The following PRMT8 variants were observed in gnomAD, a reference collection of about 807,000 sequenced individuals.
PRMT8 encodes protein arginine methyltransferase 8, also known as protein arginine N-methyltransferase 8.
Under a neutral mutation model 47.1 loss-of-function variants are expected in PRMT8, and 7 were observed. The ratio of observed to expected loss-of-function variants is 0.15; its 90% CI spans 0.08 to 0.28. The LOEUF (loss-of-function observed/expected upper bound fraction) is 0.28, where lower values mean the gene tolerates loss of function less well. PRMT8 is among the 10% of genes least tolerant of loss of function. The pLI is 1.00. For synonymous variants in PRMT8, 188 were observed against 186.5 expected, an observed-to-expected ratio of 1.01 and a Z score of -0.07; for missense variants, 237 against 505.4, an observed-to-expected ratio of 0.47 and a Z score of 5.09.
chr12:3,593,477 G>A lies in PRMT8; in HGVS notation c.*295G>A, dbSNP rs958993734. On this transcript the variant is annotated 3_prime_UTR_variant, in exon 10 of 10. Transcript: ENST00000382622. This position sits in a 1 kb window ranked among gnomAD's most constrained non-coding sequence, Gnocchi z 4.8. ...GGTGGAAACGTATTCGCGTCTCCCC[G>A]TCTCCTCCTTAACTGTGACTCTCCG... The A allele has an allele frequency of 1.0e-5, 4 of 397,414 alleles. No homozygotes were observed. The highest frequency in any genetic ancestry group is 1.2e-4 in the East Asian group (2 of 16,678). The allele number at this position is 397,414 out of a possible 1,614,324, so 24.6% of individuals were successfully genotyped here. A position where few individuals can be genotyped will look rare whatever the true frequency, so the allele number is the denominator to read the frequency against.
intron 1 of PRMT8, among the ~76,000 whole-genome samples, chr12:3,521,256 G>C (rs879836185): frequency 1.3e-5 from 2 of 152,156 alleles, no homozygotes; most frequent in Non-Finnish European, 2.9e-5. Context: ...GGGTCGCCCA[G>C]GCCATGTGTG....
intron 8 of PRMT8, among the ~76,000 whole-genome samples, 196 bp from the exon 9 acceptor site, chr12:3,592,035 T>A (rs2137240413): frequency 6.6e-6 from 1 of 152,168 alleles, no homozygotes; most frequent in Middle Eastern, 3.4e-3. Context: ...CCACTGGGAC[T>A]GAGAGGGAGT....
intron 1 of PRMT8, among the ~76,000 whole-genome samples, chr12:3,382,946 C>A (rs1591534168): frequency 6.6e-6 from 1 of 152,144 alleles, no homozygotes; most frequent in East Asian, 1.9e-4. Context: ...TGCTCCAGTA[C>A]CATTTGATGA....
At position 3,576,850 on chromosome 12, in the gene PRMT8, C is replaced by T. The variant is rs7309313; in HGVS notation, c.713-21C>T. On this transcript the variant is annotated intron_variant, in intron 6 of 9. Transcript: ENST00000382622. This position sits in a 1 kb window ranked among gnomAD's most constrained non-coding sequence, Gnocchi z 4.0. ...TCTGGGGGTCCTGCGCCTGCCTTCA[C>T]GTCTTGCTCTGCTCCCACAGGGTGG... The T allele has an allele frequency of 4.6e-3, 7,324 of 1,604,092 alleles. 27 individuals are homozygous for T. Among genetic ancestry groups the T allele is most frequent in the Non-Finnish European group, 5.1e-3 (5,971 of 1,171,320 alleles).
At chr12:3,553,813 G>A (rs1866471603) in intron 4 of PRMT8, 99 bp downstream of exon 4, 27 of 1,155,310 alleles carry the variant, frequency 2.3e-5, no homozygotes, top group Non-Finnish European at 3.5e-5. Context: ...AGAGCACTTG[G>A]ACTTGGGGAG....
chr12:3,404,736 T>C (rs755906722), intron 1 of PRMT8, among the ~76,000 whole-genome samples: 24 of 152,228 alleles, frequency 1.6e-4, no homozygotes, highest in Non-Finnish European at 2.9e-4. Context: ...TTGAGAGAGA[T>C]GTATTAAACT....
Position 3,436,738 on chromosome 12 carries a change from C to T in PRMT8, c.48+55296C>T, listed in dbSNP as rs1404411916. On this transcript the variant is annotated intron_variant, in intron 1 of 9. Transcript: ENST00000452611. The surrounding 1 kb of genome is among the most constrained non-coding windows in gnomAD (Gnocchi z 4.2). ...TTAAACATCAAGGTGAAGTTATTTC[C>T]AGCGGATCGATTGCAGCATCTCCCC... 6.6e-6 allele frequency among the ~76,000 whole-genome samples: 1 copy of T among 152,192 alleles called. No individual in the cohort carries two copies. The highest frequency in any genetic ancestry group is 2.4e-5 in the African/African-American group (1 of 41,448).
At chr12:3,406,695 T>A in intron 1 of PRMT8, among the ~76,000 whole-genome samples, 1 of 152,216 alleles carries the variant, frequency 6.6e-6, no homozygotes, top group East Asian at 1.9e-4. Context: ...AGCCTGGACT[T>A]CATTGTCTAT....
chr12:3,553,743 T>A (rs745892967), intron 4 of PRMT8, 29 bp downstream of exon 4: 4 of 1,538,356 alleles, frequency 2.6e-6, no homozygotes, highest in Non-Finnish European at 3.6e-6. Flanking sequence ...TGTTTTCTCC[T>A]GGATGGAGGG....
At chr12:3,579,511 C>T (rs747086883) in intron 7 of PRMT8, among the ~76,000 whole-genome samples, 4 of 152,114 alleles carry the variant, frequency 2.6e-5, no homozygotes, top group Non-Finnish European at 5.9e-5. Context: ...GGCTCTGGTT[C>T]TGTCTCAGGA....
At chr12:3,541,341 A>G (rs1308554748) in intron 2 of PRMT8, among the ~76,000 whole-genome samples, 2 of 152,334 alleles carry the variant, frequency 1.3e-5, no homozygotes, top group Admixed American at 1.3e-4. Flanking sequence ...GGGAAGACTA[A>G]TGTTGACTAT....
chr12:3,505,633 T>A (rs1865612019), intron 1 of PRMT8, among the ~76,000 whole-genome samples: 1 of 152,240 alleles, frequency 6.6e-6, no homozygotes, highest in Admixed American at 6.5e-5. Flanking sequence ...TGTTTTGCAA[T>A]TAAGGAAACT....
At chr12:3,525,883 A>C (rs1283016147) in intron 1 of PRMT8, among the ~76,000 whole-genome samples, 2 of 152,138 alleles carry the variant, frequency 1.3e-5, no homozygotes, top group African/African-American at 2.4e-5. Flanking sequence ...CATAACATAA[A>C]ATTTACCATC....
At chr12:3,387,553 A>G (rs1414054517) in intron 1 of PRMT8, among the ~76,000 whole-genome samples, 1 of 152,248 alleles carries the variant, frequency 6.6e-6, no homozygotes, top group African/African-American at 2.4e-5. Context: ...TGGGCATAAA[A>G]TAAACATGTT....
chr12:3,482,779 A>T (rs1865286761), intron 1 of PRMT8, among the ~76,000 whole-genome samples: 1 of 151,900 alleles, frequency 6.6e-6, no homozygotes, highest in African/African-American at 2.4e-5. Context: ...ACATGTCATC[A>T]CTCCCATTTA....
chr12:3,444,946 C>G (rs1286312742), intron 1 of PRMT8, among the ~76,000 whole-genome samples: 3 of 152,208 alleles, frequency 2.0e-5, no homozygotes, highest in African/African-American at 7.2e-5. Flanking sequence ...AGCTCGACCA[C>G]CTGTGATCCC....
At chr12:3,413,544 G>C (rs959849631) in intron 1 of PRMT8, among the ~76,000 whole-genome samples, 4 of 152,056 alleles carry the variant, frequency 2.6e-5, no homozygotes, top group African/African-American at 9.7e-5. Flanking sequence ...GTCTTCAGGG[G>C]CAATAACAGG....
At chr12:3,534,393 G>A (rs1866084028) in intron 1 of PRMT8, among the ~76,000 whole-genome samples, 1 of 152,222 alleles carries the variant, frequency 6.6e-6, no homozygotes, top group Non-Finnish European at 1.5e-5. Context: ...CCCCTCTGCA[G>A]GCTGCCTTCC....
In PRMT8 at chr12:3,410,367, C is replaced by T. The variant is rs74055687; in HGVS notation, c.48+28925C>T. On this transcript the variant is annotated intron_variant, in intron 1 of 9. Coordinates refer to the PRMT8 transcript ENST00000452611. ...CCTATTCACAGAATTGACAGAGGCT[C>T]CCAGCTTCCTCTCTGCAATTCCCCC... Among the ~76,000 whole-genome samples, 336 of 152,334 alleles carry T rather than the reference C, an allele frequency of 2.2e-3. 1 individual carries two copies. Among genetic ancestry groups the T allele is most frequent in the African/African-American group, 7.7e-3 (322 of 41,584 alleles).
Sources: gnomAD v4.1 joint callset for allele counts (sites outside exome capture counted in the v4.1 genomes callset) on GRCh38, gnomAD v4.1.1 for gene constraint, Gnocchi (gnomAD v3.1) non-coding constraint, MANE v1.5 for transcripts, NCBI Gene and HGNC (gene_info 2026-07-23, HGNC 2026-07-21) for gene names.